Variants in LHFPL6 observed in about 807,000 individuals in gnomAD.
The protein encoded by LHFPL6 is LHFPL tetraspan subfamily member 6, also known as LHFPL tetraspan subfamily member 6 protein.
Under a neutral mutation model 20.6 loss-of-function variants are expected in LHFPL6, and 9 were observed. That is an observed-to-expected ratio of 0.44 (90% confidence interval 0.26 to 0.76). The LOEUF (loss-of-function observed/expected upper bound fraction) is 0.76. Ranked by LOEUF, LHFPL6 falls within the 30% of genes least tolerant of loss-of-function variation. LHFPL6 has a pLI of 0.20. For synonymous variants in LHFPL6, 105 were observed against 98.7 expected, an observed-to-expected ratio of 1.06 and a Z score of -0.38; for missense variants, 218 against 253.5, an observed-to-expected ratio of 0.86 and a Z score of 0.95.
At chr13:39,435,855 C>G (rs1190699750) in intron 2 of LHFPL6, among the ~76,000 whole-genome samples, 1 of 152,084 alleles carries the variant, frequency 6.6e-6, no homozygotes, top group East Asian at 1.9e-4. Context: ...CCTATTGAAA[C>G]AGGTCATATG....
Position 39,343,603 on chromosome 13 carries a change from T to TGTGTGTGTGTGTGTG in LHFPL6, c.*332_*333insCACACACACACACAC, listed in dbSNP as rs1869307015. ...ACCCTTGTTTGTATATGTAGATTTG[T>TGTGTGTGTGTGTGTG]TGTGTGTGTGTGTGTGTGTGTGTGT... On this transcript the variant is annotated 3_prime_UTR_variant, in exon 4 of 4. Transcript: ENST00000379589. The TGTGTGTGTGTGTGTG allele has an allele frequency of 5.3e-6, 1 of 187,282 alleles. No individual in the cohort carries two copies. Among genetic ancestry groups the TGTGTGTGTGTGTGTG allele is most frequent in the African/African-American group, 2.6e-5 (1 of 38,708 alleles). 11.6% of individuals were successfully genotyped at this position (187,282 alleles called of 1,614,324 possible). A position where few individuals can be genotyped will look rare whatever the true frequency, so the allele number is the denominator to read the frequency against.
At chr13:39,403,911 T>C (rs762960041) in intron 2 of LHFPL6, among the ~76,000 whole-genome samples, 2 of 152,184 alleles carry the variant, frequency 1.3e-5, no homozygotes, top group East Asian at 1.9e-4. Flanking sequence ...TAGTTGGATA[T>C]GTGCCCAGCA....
rs148406280 is a variant in LHFPL6, at chr13:39,426,224, C to CT, written c.386-47699dup. Among the ~76,000 whole-genome samples the CT allele has an allele frequency of 2.1e-3, 298 of 143,762 alleles. 3 individuals carry two copies. Among genetic ancestry groups the CT allele is most frequent in the Middle Eastern group, 7.3e-3 (2 of 274 alleles). 94.3% of individuals were successfully genotyped at this position (143,762 alleles called of 152,430 possible). A position where few individuals can be genotyped will look rare whatever the true frequency, so the allele number is the denominator to read the frequency against. On this transcript the variant is annotated intron_variant, in intron 2 of 3. Transcript: ENST00000379589. ...TACTTTCTTTTCTTTTTTTCTTTTT[C>CT]TTTTTTTTTTTTTGAGATGGAGTTT... is the stretch of plus-strand genomic sequence containing the variant.
At chr13:39,351,870 C>T (rs118031318) in intron 3 of LHFPL6, among the ~76,000 whole-genome samples, 6 of 152,176 alleles carry the variant, frequency 3.9e-5, no homozygotes, top group Non-Finnish European at 8.8e-5. Context: ...TTGTATGTTA[C>T]GTTCCTTTTT....
intron 2 of LHFPL6, among the ~76,000 whole-genome samples, chr13:39,437,420 T>C (rs1871991411): frequency 6.6e-6 from 1 of 152,164 alleles, no homozygotes; most frequent in South Asian, 2.1e-4. Context: ...CCCCACTCCC[T>C]CTTTTCCTCT....
intron 2 of LHFPL6, among the ~76,000 whole-genome samples, chr13:39,400,779 T>C: frequency 3.8e-5 from 1 of 25,996 alleles, no homozygotes; most frequent in Non-Finnish European, 6.1e-5. Context: ...CGAGACTCCG[T>C]CTCAAAAAAA....
At chr13:39,386,945 G>A (rs1381824560) in intron 2 of LHFPL6, among the ~76,000 whole-genome samples, 2 of 152,140 alleles carry the variant, frequency 1.3e-5, no homozygotes, top group Non-Finnish European at 2.9e-5. Flanking sequence ...ACCACTTAAG[G>A]TCTACGAAGC....
chr13:39,535,592 A>T (rs1870592581), intron 2 of LHFPL6, among the ~76,000 whole-genome samples: 1 of 152,202 alleles, frequency 6.6e-6, no homozygotes, highest in African/African-American at 2.4e-5. Flanking sequence ...ACCAAACAGG[A>T]ATTTCAGGCA....
In LHFPL6 at chr13:39,360,771, AC is replaced by A. The variant is rs1170909092; in HGVS notation, c.485-16718del. 1.6e-3 allele frequency among the ~76,000 whole-genome samples: 141 copies of A among 89,802 alleles called. 34 individuals are homozygous for A. The highest frequency in any genetic ancestry group is 4.2e-3 in the African/African-American group (131 of 31,110). 58.9% of individuals were successfully genotyped at this position (89,802 alleles called of 152,430 possible). A position where few individuals can be genotyped will look rare whatever the true frequency, so the allele number is the denominator to read the frequency against. On this transcript the variant is annotated intron_variant, in intron 3 of 3. Coordinates refer to ENST00000379589, the MANE Select transcript of LHFPL6 (RefSeq NM_005780.3). ...TGTAAGGGGACAAAAAAAAAAAAAA[AC>A]CTTTCTGAATTACAAATGCATTCTT...
intron 2 of LHFPL6, among the ~76,000 whole-genome samples, chr13:39,505,253 C>A (rs1469625679): frequency 6.6e-6 from 1 of 152,184 alleles, no homozygotes; most frequent in Non-Finnish European, 1.5e-5. Flanking sequence ...CTCAGAATCA[C>A]TGCTATTTCC....
intron 1 of LHFPL6, among the ~76,000 whole-genome samples, chr13:39,601,849 A>C (rs1872960894): frequency 6.6e-6 from 1 of 152,210 alleles, no homozygotes; most frequent in South Asian, 2.1e-4. Context: ...GCATGAGCCA[A>C]ACAAACTAAT....
At chr13:39,513,912 C>A (rs1412040395) in intron 2 of LHFPL6, among the ~76,000 whole-genome samples, 12 of 152,134 alleles carry the variant, frequency 7.9e-5, no homozygotes, top group Admixed American at 7.9e-4. Flanking sequence ...ACAATTCAGT[C>A]CCTTCTAACT....
At chr13:39,501,966 A>T (rs1457680012) in intron 2 of LHFPL6, among the ~76,000 whole-genome samples, 1 of 152,232 alleles carries the variant, frequency 6.6e-6, no homozygotes, top group African/African-American at 2.4e-5. Flanking sequence ...CAGGACAGTG[A>T]GCCAAGGGCC....
At chr13:39,500,734 C>T (rs960860809) in intron 2 of LHFPL6, among the ~76,000 whole-genome samples, 1 of 152,062 alleles carries the variant, frequency 6.6e-6, no homozygotes, top group Non-Finnish European at 1.5e-5. Context: ...GTATACTACG[C>T]CTCTTGATAA....
At chr13:39,349,033 A>G (rs1406908361) in intron 3 of LHFPL6, among the ~76,000 whole-genome samples, 1 of 152,214 alleles carries the variant, frequency 6.6e-6, no homozygotes, top group Non-Finnish European at 1.5e-5. Context: ...ATGGCCACCA[A>G]TCAGACATAT....
chr13:39,534,628 G>A (rs1870562322), intron 2 of LHFPL6, among the ~76,000 whole-genome samples: 1 of 152,178 alleles, frequency 6.6e-6, no homozygotes, highest in Non-Finnish European at 1.5e-5. Flanking sequence ...ATTATTAAAT[G>A]CTTATAAATG....
At chr13:39,390,303 C>T (rs1328905547) in intron 2 of LHFPL6, among the ~76,000 whole-genome samples, 4 of 151,882 alleles carry the variant, frequency 2.6e-5, no homozygotes, top group Non-Finnish European at 4.4e-5. Flanking sequence ...AAGTACCAGC[C>T]TGGGCAACAC....
At chr13:39,493,396 A>G (rs774477012) in intron 2 of LHFPL6, among the ~76,000 whole-genome samples, 15 of 152,168 alleles carry the variant, frequency 9.9e-5, no homozygotes, top group Non-Finnish European at 2.2e-4. Context: ...TAATACAGTA[A>G]GACTGCTAAA....
chr13:39,451,939 T>C (rs9576805), intron 2 of LHFPL6, among the ~76,000 whole-genome samples: 84,434 of 152,038 alleles, frequency 0.56, 24,735 homozygotes, highest in East Asian at 0.9. Flanking sequence ...TGTGTGTGTG[T>C]GTGTGTGTGC....
Sources: allele counts gnomAD v4.1 joint callset (sites outside exome capture counted in the v4.1 genomes callset), GRCh38; gene constraint gnomAD v4.1.1; transcripts MANE v1.5; gene names NCBI Gene and HGNC (gene_info 2026-07-23, HGNC 2026-07-21).